The following GUCY1A2 variants were observed in gnomAD, a reference collection of about 807,000 sequenced individuals.
GUCY1A2 encodes the protein guanylate cyclase 1 soluble subunit alpha 2.
In GUCY1A2, 27 loss-of-function variants were observed where a neutral mutation model predicts 63.5. The ratio of observed to expected loss-of-function variants is 0.43; its 90% CI spans 0.31 to 0.59. The LOEUF (loss-of-function observed/expected upper bound fraction) is 0.59, where lower values mean the gene tolerates loss of function less well. Among genes scored for constraint, GUCY1A2 ranks in the 20% least tolerant of loss-of-function variants. GUCY1A2 has a pLI of 0.11. For missense variants in GUCY1A2, 768 were observed against 913.3 expected (o/e 0.84, Z 2.05); for synonymous variants, 364 against 343.5 (o/e 1.06, Z -0.66).
At chr11:106,803,318 G>T (rs1411258183) in intron 5 of GUCY1A2, among the ~76,000 whole-genome samples, 1 of 152,056 alleles carries the variant, frequency 6.6e-6, no homozygotes, top group Non-Finnish European at 1.5e-5. Context: ...GAATCTTTGA[G>T]GCCCCATGAA....
At position 106,981,740 on chromosome 11, in the gene GUCY1A2, C is replaced by CAA. The variant is rs112728854; in HGVS notation, c.366-3002_366-3001dup. ...GCCCTCTAGAGACAGAAATTTCAGTCAAAAAAAAAAAAATCAACGAAAAAG... is the reference window on the plus strand; with the variant it reads ...GCCCTCTAGAGACAGAAATTTCAGTCAAAAAAAAAAAAAAATCAACGAAAAAG... On this transcript the variant is annotated intron_variant, in intron 2 of 7. Transcript: ENST00000526355. Among the ~76,000 whole-genome samples, 41 of 128,668 alleles carry CAA rather than the reference C, an allele frequency of 3.2e-4. No homozygotes were observed. In the South Asian group the frequency reaches 7.1e-3, roughly 22 times the overall value. The allele number at this position is 128,668 out of a possible 152,430, so 84.4% of individuals were successfully genotyped here.
intron 3 of GUCY1A2, among the ~76,000 whole-genome samples, chr11:106,971,564 A>G (rs1201269578): frequency 6.6e-6 from 1 of 152,150 alleles, no homozygotes; most frequent in Non-Finnish European, 1.5e-5. Context: ...CTTGTTAGAA[A>G]GAAGGATATA....
At chr11:107,014,298 A>T (rs1181536143) in intron 1 of GUCY1A2, among the ~76,000 whole-genome samples, 1 of 151,972 alleles carries the variant, frequency 6.6e-6, no homozygotes, top group Non-Finnish European at 1.5e-5. Context: ...CATGTTGACC[A>T]GGATGGTCTC....
intron 4 of GUCY1A2, among the ~76,000 whole-genome samples, chr11:106,935,012 CCTT>C (rs1860656760): frequency 6.6e-6 from 1 of 152,148 alleles, no homozygotes; most frequent in African/African-American, 2.4e-5. Context: ...CGATTCCAAA[CCTT>C]CATCAATCTG....
chr11:106,896,447 G>T (rs1391232215), intron 4 of GUCY1A2, among the ~76,000 whole-genome samples: 2 of 152,128 alleles, frequency 1.3e-5, no homozygotes, highest in African/African-American at 4.8e-5. Context: ...ATATTGTACT[G>T]AAGTCCTAGC....
chr11:106,888,085 A>G (rs1054919717), intron 4 of GUCY1A2, among the ~76,000 whole-genome samples: 1 of 152,084 alleles, frequency 6.6e-6, no homozygotes, highest in African/African-American at 2.4e-5. Flanking sequence ...GGAATGAACA[A>G]TCACCTGTGC....
intron 4 of GUCY1A2, among the ~76,000 whole-genome samples, chr11:106,915,357 G>T (rs1382389232): frequency 6.6e-6 from 1 of 152,010 alleles, no homozygotes; most frequent in Non-Finnish European, 1.5e-5. Flanking sequence ...GAGGGATTGG[G>T]CATACTCTGT....
intron 3 of GUCY1A2, among the ~76,000 whole-genome samples, chr11:106,945,641 G>A (rs1860817133): frequency 6.6e-6 from 1 of 152,140 alleles, no homozygotes; most frequent in Non-Finnish European, 1.5e-5. Flanking sequence ...CCTATTACCT[G>A]GACAGTTGTA....
At chr11:106,824,962 A>G in intron 4 of GUCY1A2, 1 of 1,612,960 alleles carries the variant, frequency 6.2e-7, no homozygotes, top group Non-Finnish European at 8.5e-7. Context: ...GCCTGACATG[A>G]ATGTTACTAA....
intron 6 of GUCY1A2, among the ~76,000 whole-genome samples, chr11:106,769,553 T>C (rs139902099): frequency 0.011 from 1,738 of 152,244 alleles, 33 homozygotes; most frequent in African/African-American, 0.038. Context: ...TAAATACTTT[T>C]TAAAAACAAA....
chr11:106,752,283 T>C (rs906623792), intron 6 of GUCY1A2, among the ~76,000 whole-genome samples: 3 of 152,152 alleles, frequency 2.0e-5, no homozygotes, highest in African/African-American at 4.8e-5. Context: ...TTGGTGAATA[T>C]GGTAAAGAGA....
intron 5 of GUCY1A2, among the ~76,000 whole-genome samples, chr11:106,790,973 C>T (rs895802562): frequency 5.9e-5 from 9 of 152,196 alleles, no homozygotes; most frequent in Admixed American, 2.6e-4. Flanking sequence ...TGCAAGCATT[C>T]CCTTAGCTGC....
chr11:106,930,291 A>T (rs534734957), intron 4 of GUCY1A2, among the ~76,000 whole-genome samples: 3 of 152,250 alleles, frequency 2.0e-5, no homozygotes, highest in Non-Finnish European at 4.4e-5. Context: ...CAGCTAGTAA[A>T]TAACAGTCTG....
intron 1 of GUCY1A2, among the ~76,000 whole-genome samples, chr11:106,989,450 C>A (rs777702046): frequency 1.3e-5 from 2 of 151,724 alleles, no homozygotes. Flanking sequence ...CATATGTGTA[C>A]CTTATTTTTA....
chr11:107,010,129 T>C (rs1055887677), intron 1 of GUCY1A2, among the ~76,000 whole-genome samples: 2 of 152,134 alleles, frequency 1.3e-5, no homozygotes, highest in African/African-American at 4.8e-5. Flanking sequence ...ATGTTTACTC[T>C]TTCTCATTTC....
rs11211860 is a variant in GUCY1A2 at position 106,680,789 on chromosome 11, G to A, written c.*6760C>T. ...AATAGAAAGGTAAAGACAAAATATC[G>A]AACACACCCACCATTCAAATGGGTT... On this transcript the variant is annotated 3_prime_UTR_variant, in exon 8 of 8. Transcript: ENST00000526355. 0.097 allele frequency: 20,158 copies of A among 206,852 alleles called. 1,288 individuals are homozygous for A. The highest frequency in any genetic ancestry group is 0.14 in the Non-Finnish European group (14,153 of 101,262). 12.8% of individuals were successfully genotyped at this position (206,852 alleles called of 1,614,324 possible).
chr11:107,003,649 C>T (rs945979455), intron 1 of GUCY1A2, among the ~76,000 whole-genome samples: 3 of 152,168 alleles, frequency 2.0e-5, no homozygotes, highest in Admixed American at 2.0e-4. Flanking sequence ...ATCTCACAGT[C>T]CAGAGCTAAT....
rs1325677902 is a variant in GUCY1A2 at position 106,681,919 on chromosome 11, A to G, written c.*5630T>C. The G allele has an allele frequency of 1.4e-5, 3 of 213,204 alleles. No individual in the cohort carries two copies. The highest frequency in any genetic ancestry group is 6.8e-5 in the African/African-American group (3 of 44,154). The allele number at this position is 213,204 out of a possible 1,614,324, so 13.2% of individuals were successfully genotyped here. ...AGTATTAAGTTGATGTCTTTTCATG[A>G]CATAAAAATCAAAGCATTCAGAAGT... is the stretch of plus-strand genomic sequence containing the variant. On this transcript the variant is annotated 3_prime_UTR_variant, in exon 8 of 8. Coordinates refer to ENST00000526355, the MANE Select transcript of GUCY1A2 (RefSeq NM_000855.3).
At chr11:106,923,833 T>C (rs1411065235) in intron 4 of GUCY1A2, among the ~76,000 whole-genome samples, 1 of 152,140 alleles carries the variant, frequency 6.6e-6, no homozygotes, top group Admixed American at 6.5e-5. Flanking sequence ...TAAACTAATC[T>C]GGAACCTGAA....
Sources: gnomAD v4.1 joint callset for allele counts (sites outside exome capture counted in the v4.1 genomes callset) on GRCh38, gnomAD v4.1.1 for gene constraint, MANE v1.5 for transcripts, NCBI Gene and HGNC (gene_info 2026-07-23, HGNC 2026-07-21) for gene names.